Variants in MMD2 observed in about 807,000 individuals in gnomAD.
The protein encoded by MMD2 is monocyte to macrophage differentiation factor 2.
A neutral mutation model predicts 33.5 loss-of-function variants in MMD2; 30 were observed. The observed-to-expected ratio is 0.90, with a 90% confidence interval of 0.67 to 1.22. MMD2 has a LOEUF of 1.22. Among genes scored for constraint, MMD2 ranks in the 50% most tolerant of loss-of-function variants. The pLI, the probability that MMD2 is intolerant of heterozygous loss-of-function variation, is 0.00. For synonymous variants in MMD2, 129 were observed against 123.0 expected (o/e 1.05, Z -0.32); for missense variants, 364 against 325.4 (o/e 1.12, Z -0.91).
At chr7:4,893,836 C>T in the MMD2 span, among the ~76,000 whole-genome samples, 2 of 152,172 alleles carry the variant, frequency 1.3e-5, no homozygotes, top group African/African-American at 4.8e-5. Context: ...CATTTGTAAA[C>T]TGTCATGATG....
intron 1 of MMD2, among the ~76,000 whole-genome samples, chr7:4,938,667 C>T (rs376525459): frequency 1.2e-4 from 18 of 152,158 alleles, no homozygotes; most frequent in East Asian, 1.2e-3. Context: ...AGGTTGTCGA[C>T]TTGGAAAGGC....
rs529005847 is a variant in MMD2, at chr7:4,907,838, G to A, written c.538-239C>T. ...ATTTTTTTTCTTTTGACAGGGTCTC[G>A]GTCTGTTGCCCCAGCGGGAGTGCAG... On this transcript the variant is annotated intron_variant, in intron 6 of 6. Coordinates refer to ENST00000401401, the MANE Select transcript of MMD2 (RefSeq NM_198403.4). 4.1e-4 allele frequency among the ~76,000 whole-genome samples: 62 copies of A among 152,168 alleles called. 1 individual carries two copies. The highest frequency in any genetic ancestry group is 1.2e-3 in the African/African-American group (51 of 41,508).
chr7:4,949,916 C>T (rs1168590047), intron 1 of MMD2, among the ~76,000 whole-genome samples: 1 of 152,116 alleles, frequency 6.6e-6, no homozygotes, highest in African/African-American at 2.4e-5. Flanking sequence ...CCTTTTCCCC[C>T]CATCTCCTCT....
At chr7:4,914,659 G>A (rs550170128) in intron 4 of MMD2, among the ~76,000 whole-genome samples, 11 of 152,222 alleles carry the variant, frequency 7.2e-5, no homozygotes, top group South Asian at 2.1e-4. Context: ...GGCCGGGCAC[G>A]GTGGCTCGCA....
intron 1 of MMD2, among the ~76,000 whole-genome samples, chr7:4,948,361 A>C (rs1786148425): frequency 6.6e-6 from 1 of 152,074 alleles, no homozygotes; most frequent in South Asian, 2.1e-4. Context: ...TCTCTTCTAA[A>C]AATACAAAAA....
chr7:4,893,480 C>T, the MMD2 span, among the ~76,000 whole-genome samples: 12 of 151,914 alleles, frequency 7.9e-5, no homozygotes, highest in African/African-American at 1.9e-4. Context: ...CAACCTCCAC[C>T]TCTCAGGTTC....
intron 2 of MMD2, among the ~76,000 whole-genome samples, chr7:4,923,012 T>C (rs544493459): frequency 6.6e-6 from 1 of 152,174 alleles, no homozygotes; most frequent in Non-Finnish European, 1.5e-5. Context: ...CTTGTGTTTA[T>C]AGCATCAGTG....
chr7:4,899,089 A>G, the MMD2 span, among the ~76,000 whole-genome samples: 1 of 152,156 alleles, frequency 6.6e-6, no homozygotes, highest in Non-Finnish European at 1.5e-5. Context: ...GAGGCCTGAG[A>G]GAGCTGCTTT....
At chr7:4,908,734 TA>T (rs936786937) in intron 6 of MMD2, among the ~76,000 whole-genome samples, 2 of 150,974 alleles carry the variant, frequency 1.3e-5, no homozygotes, top group Non-Finnish European at 3.0e-5. Flanking sequence ...CCATCTCTAC[TA>T]AAAATACAAT....
Position 4,952,799 on chromosome 7 carries a change from C to A in MMD2, c.47+6172G>T, listed in dbSNP as rs368407493. On this transcript the variant is annotated intron_variant, in intron 1 of 6. Coordinates refer to ENST00000401401, the MANE Select transcript of MMD2 (RefSeq NM_198403.4). ...CTCCGCCTCCTGGGTTCAAGCAATT[C>A]TCCTGCCTCAGCCTCCCGAGTAGCT... Among the ~76,000 whole-genome samples, 6 of 150,750 alleles carry A rather than the reference C, an allele frequency of 4.0e-5. No homozygotes were observed. The South Asian group carries it at 1.0e-3, about 26-fold the overall frequency.
intron 4 of MMD2, among the ~76,000 whole-genome samples, chr7:4,915,067 G>T (rs1785106581): frequency 6.6e-6 from 1 of 152,188 alleles, no homozygotes. Context: ...GAGGCCAGGA[G>T]TTCAAGACCA....
At position 4,907,312 on chromosome 7, in the gene MMD2, G is replaced by C. The variant is rs1583352145; in HGVS notation, c.*84C>G. ...ACTCTACCCAATAAAGGGAAGACAG[G>C]CCTTGGCGCTGTGCTCTGGGTTAAC... On this transcript the variant is annotated 3_prime_UTR_variant, in exon 7 of 7. Coordinates refer to ENST00000401401, the MANE Select transcript of MMD2 (RefSeq NM_198403.4). The C allele has an allele frequency of 7.4e-7, 1 of 1,355,842 alleles. No homozygotes were observed. Among genetic ancestry groups the C allele is most frequent in the Non-Finnish European group, 1.0e-6 (1 of 954,028 alleles). 84.0% of individuals were successfully genotyped at this position (1,355,842 alleles called of 1,614,324 possible). A position where few individuals can be genotyped will look rare whatever the true frequency, so the allele number is the denominator to read the frequency against.
chr7:4,923,886 A>C (rs1785350199), intron 2 of MMD2, among the ~76,000 whole-genome samples: 1 of 152,078 alleles, frequency 6.6e-6, no homozygotes, highest in Non-Finnish European at 1.5e-5. Flanking sequence ...ACGGCGGCTC[A>C]TACCTGTAAT....
chr7:4,954,647 G>A (rs10263421), intron 1 of MMD2, among the ~76,000 whole-genome samples: 2,502 of 152,060 alleles, frequency 0.016, 79 homozygotes, highest in African/African-American at 0.057. Flanking sequence ...TTGAACTCCC[G>A]GACTCAGGTG....
At chr7:4,912,882 G>A (rs560959940) in intron 4 of MMD2, among the ~76,000 whole-genome samples, 81 of 151,942 alleles carry the variant, frequency 5.3e-4, no homozygotes, top group African/African-American at 1.9e-3. Flanking sequence ...TTTTGTATTT[G>A]TAGTAGAGAT....
intron 6 of MMD2, among the ~76,000 whole-genome samples, chr7:4,908,224 C>G (rs537966011): frequency 7.5e-4 from 114 of 151,712 alleles, no homozygotes; most frequent in Non-Finnish European, 6.8e-4. Flanking sequence ...TCACTGCGAC[C>G]TCCACCTCCT....
rs140585824 is a variant in MMD2, at chr7:4,936,400, T to C, written c.48-10868A>G. Among the ~76,000 whole-genome samples the C allele has an allele frequency of 1.4e-4, 22 of 152,196 alleles. No homozygotes were observed. In the East Asian group the frequency reaches 4.1e-3, roughly 28 times the overall value. ...GGGAGATTGGTGAGTTTGGGGGTGCTGGTCACAGAAGACTTTGCCCCCCTC... is the reference window on the plus strand; with the variant it reads ...GGGAGATTGGTGAGTTTGGGGGTGCCGGTCACAGAAGACTTTGCCCCCCTC... On this transcript the variant is annotated intron_variant, in intron 1 of 6. Transcript: ENST00000401401.
intron 1 of MMD2, among the ~76,000 whole-genome samples, chr7:4,950,560 G>A (rs1236383555): frequency 6.6e-6 from 1 of 152,078 alleles, no homozygotes; most frequent in Non-Finnish European, 1.5e-5. Context: ...TCTATGGATT[G>A]GACTCCTCGA....
intron 1 of MMD2, among the ~76,000 whole-genome samples, chr7:4,927,978 A>C (rs1451618131): frequency 6.6e-6 from 1 of 152,148 alleles, no homozygotes; most frequent in East Asian, 1.9e-4. Context: ...TCAGTCTGGG[A>C]AGACAGACAA....
Sources: allele counts gnomAD v4.1 joint callset (sites outside exome capture counted in the v4.1 genomes callset), GRCh38; gene constraint gnomAD v4.1.1; transcripts MANE v1.5; gene names NCBI Gene and HGNC (gene_info 2026-07-23, HGNC 2026-07-21).